GSE1: variants seen among roughly 807,000 people sequenced by gnomAD.
GSE1 encodes the protein Gse1 coiled-coil protein, also known as genetic suppressor element 1.
In GSE1, 32 loss-of-function variants were observed where a neutral mutation model predicts 112.6. That is an observed-to-expected ratio of 0.28 (90% confidence interval 0.21 to 0.38). The LOEUF is 0.38. GSE1 is among the 10% of genes least tolerant of loss of function. The probability of loss-of-function intolerance (pLI) is 1.00; values close to 1 mark genes in which losing one functional copy is unlikely to be tolerated. For missense variants in GSE1, 2,348 were observed against 1,699.2 expected (o/e 1.38, Z -6.71); for synonymous variants, 1,115 against 735.6 (o/e 1.52, Z -8.35).
intron 1 of GSE1, among the ~76,000 whole-genome samples, chr16:85,181,616 T>C (rs1188278342): frequency 1.3e-5 from 2 of 152,228 alleles, no homozygotes; most frequent in Non-Finnish European, 2.9e-5. Context: ...TATTCACCTT[T>C]CCAGACCCAT....
rs1255133258 is a variant in GSE1 at position 85,673,575 on chromosome 16, G to GT, written c.*1037dup. 6.6e-6 allele frequency: 1 copy of GT among 152,020 alleles called. No individual in the cohort carries two copies. Among genetic ancestry groups the GT allele is most frequent in the Non-Finnish European group, 1.5e-5 (1 of 67,932 alleles). 9.4% of individuals were successfully genotyped at this position (152,020 alleles called of 1,614,324 possible). A position where few individuals can be genotyped will look rare whatever the true frequency, so the allele number is the denominator to read the frequency against. On this transcript the variant is annotated 3_prime_UTR_variant, in exon 16 of 16. Coordinates refer to ENST00000253458, the MANE Select transcript of GSE1 (RefSeq NM_014615.5). ...TTTTAAAAATTAAAGAAGAAGAAAAGTAAAAGAGCTTACCACTGGCGCCTA... is the reference window on the plus strand; with the variant it reads ...TTTTAAAAATTAAAGAAGAAGAAAAGTTAAAAGAGCTTACCACTGGCGCCTA...
chr16:85,661,398 G>A lies in GSE1; in HGVS notation c.1893G>A (p.Pro631=), dbSNP rs749582466. Residue 631 remains proline (P), a synonymous_variant, in exon 9 of 16, where the codon CCG becomes CCA. Transcript: ENST00000253458. ...TGAAGGTGGAGCGGGTCTTCTGCCC[G>A]GAGAAAGCAGAGGAGGGGCCACGGA... ...PLVKVERVFC[P]EKAEEGPRKR... The A allele has an allele frequency of 1.5e-5, 24 of 1,612,280 alleles. No individual in the cohort carries two copies. Among genetic ancestry groups the A allele is most frequent in the Middle Eastern group, 1.7e-4 (1 of 6,056 alleles).
intron 2 of GSE1, among the ~76,000 whole-genome samples, chr16:85,456,105 G>A (rs2049819042): frequency 6.6e-6 from 1 of 152,208 alleles, no homozygotes; most frequent in Admixed American, 6.5e-5. Context: ...TGTGTCCAGA[G>A]GAAGCTGTGC....
chr16:85,444,942 C>G (rs1297577221), intron 2 of GSE1, among the ~76,000 whole-genome samples: 1 of 152,244 alleles, frequency 6.6e-6, no homozygotes, highest in Non-Finnish European at 1.5e-5. Context: ...TCCCCACTGC[C>G]CACGTTGTCA....
chr16:85,190,202 T>C (rs911299606), intron 1 of GSE1, among the ~76,000 whole-genome samples: 1 of 152,236 alleles, frequency 6.6e-6, no homozygotes, highest in Non-Finnish European at 1.5e-5. Flanking sequence ...ATTGGTGAAG[T>C]CCAGATGGTG....
chr16:85,544,646 T>G (rs1281543865), intron 2 of GSE1, among the ~76,000 whole-genome samples: 2 of 152,208 alleles, frequency 1.3e-5, no homozygotes, highest in Admixed American at 1.3e-4. Context: ...GCCAGAGGGC[T>G]ACATGGACCT....
Position 85,672,829 on chromosome 16 carries a change from A to G in GSE1, c.*290A>G, listed in dbSNP as rs892082534. 4.4e-6 allele frequency: 1 copy of G among 227,452 alleles called. No homozygotes were observed. The highest frequency in any genetic ancestry group is 5.1e-5 in the Admixed American group (1 of 19,658). 14.1% of individuals were successfully genotyped at this position (227,452 alleles called of 1,614,324 possible). On this transcript the variant is annotated 3_prime_UTR_variant, in exon 16 of 16. Transcript: ENST00000253458. ...TCCCACATTATTTCTTAATCTGAACATGAAGGCTCCATTAGCAACACTAAA... is the reference window on the plus strand; with the variant it reads ...TCCCACATTATTTCTTAATCTGAACGTGAAGGCTCCATTAGCAACACTAAA...
At position 85,672,734 on chromosome 16, in the gene GSE1, T is replaced by A; in HGVS notation, c.*195T>A. ...CGTCAATGCAATTGAATCACCGTTG[T>A]CATTCAGCGAGCAACCAATGTAGGA... is the stretch of plus-strand genomic sequence containing the variant. On this transcript the variant is annotated 3_prime_UTR_variant, in exon 16 of 16. Coordinates refer to ENST00000253458, the MANE Select transcript of GSE1 (RefSeq NM_014615.5). 2.4e-6 allele frequency: 1 copy of A among 417,336 alleles called. No individual in the cohort carries two copies. Among genetic ancestry groups the A allele is most frequent in the Non-Finnish European group, 4.2e-6 (1 of 236,442 alleles). 25.9% of individuals were successfully genotyped at this position (417,336 alleles called of 1,614,324 possible).
intron 2 of GSE1, among the ~76,000 whole-genome samples, chr16:85,422,763 A>G (rs9932638): frequency 0.02 from 3,061 of 151,440 alleles, 96 homozygotes; most frequent in African/African-American, 0.071. Context: ...GTGAGGAGAG[A>G]GGGGTTTGGG....
chr16:85,573,110 C>T (rs954672299), intron 1 of GSE1, among the ~76,000 whole-genome samples: 11 of 152,258 alleles, frequency 7.2e-5, no homozygotes, highest in East Asian at 1.9e-4. Context: ...GTGATCCGCC[C>T]GCCTCGGCCT....
intron 2 of GSE1, among the ~76,000 whole-genome samples, chr16:85,499,446 G>A (rs2051291675): frequency 6.6e-6 from 1 of 151,854 alleles, no homozygotes; most frequent in Non-Finnish European, 1.5e-5. Flanking sequence ...AAGTAGCTGT[G>A]ACTACAGGCA....
At chr16:85,609,322 C>T (rs767244492), upstream of GSE1, among the ~76,000 whole-genome samples, 101 of 152,270 alleles carry the variant, frequency 6.6e-4, no homozygotes, top group Admixed American at 3.3e-3. Context: ...CAGCCTCAGA[C>T]TCCTGGGCCC....
chr16:85,627,044 C>CTTTTTTTTTTTTTTTTTTTT lies in GSE1; in HGVS notation c.8-6857_8-6838dup, dbSNP rs564272210. Among the ~76,000 whole-genome samples the CTTTTTTTTTTTTTTTTTTTT allele has an allele frequency of 2.7e-3, 67 of 25,064 alleles. 12 individuals are homozygous for CTTTTTTTTTTTTTTTTTTTT. The highest frequency in any genetic ancestry group is 0.056 in the Middle Eastern group (1 of 18). The allele number at this position is 25,064 out of a possible 152,430, so 16.4% of individuals were successfully genotyped here. On this transcript the variant is annotated intron_variant, in intron 1 of 15. Coordinates refer to ENST00000253458, the MANE Select transcript of GSE1 (RefSeq NM_014615.5). ...GGACTTTGCTTCCTTTTCTTCTTGC[C>CTTTTTTTTTTTTTTTTTTTT]TTTTTTTTTTTTTTTTTTTTTTTTT...
intron 2 of GSE1, among the ~76,000 whole-genome samples, chr16:85,544,780 C>G (rs1035683907): frequency 6.6e-6 from 1 of 152,228 alleles, no homozygotes; most frequent in African/African-American, 2.4e-5. Flanking sequence ...AAGGGCTGTT[C>G]GCAATGCCTG....
At chr16:85,640,129 C>T (rs1016820106) in intron 2 of GSE1, among the ~76,000 whole-genome samples, 3 of 152,198 alleles carry the variant, frequency 2.0e-5, no homozygotes, top group Non-Finnish European at 4.4e-5. Flanking sequence ...CACCTCACCC[C>T]AGCACCACCC....
At chr16:85,621,371 C>G (rs1337876444) in intron 1 of GSE1, among the ~76,000 whole-genome samples, 1 of 152,234 alleles carries the variant, frequency 6.6e-6, no homozygotes, top group Non-Finnish European at 1.5e-5. Flanking sequence ...CACCGCCCCC[C>G]GTGCTGGGGT....
chr16:85,233,678 C>T (rs995393623), intron 1 of GSE1, among the ~76,000 whole-genome samples: 2 of 152,012 alleles, frequency 1.3e-5, no homozygotes, highest in African/African-American at 4.8e-5. Context: ...GTGGTGGAGG[C>T]AGTGGGAACA....
chr16:85,486,484 G>A (rs1047008137), intron 2 of GSE1, among the ~76,000 whole-genome samples: 2 of 152,250 alleles, frequency 1.3e-5, no homozygotes, highest in Non-Finnish European at 2.9e-5. Flanking sequence ...CAGCCGCTAA[G>A]TGGCACTAGG....
chr16:85,461,838 C>G (rs1043790799), intron 2 of GSE1, among the ~76,000 whole-genome samples: 55 of 152,200 alleles, frequency 3.6e-4, no homozygotes, highest in Admixed American at 1.0e-3. Flanking sequence ...ACCTCCCCTC[C>G]TCCCGGACCT....
Sources: allele counts gnomAD v4.1 joint callset (sites outside exome capture counted in the v4.1 genomes callset), GRCh38; gene constraint gnomAD v4.1.1; transcripts MANE v1.5; gene names NCBI Gene and HGNC (gene_info 2026-07-23, HGNC 2026-07-21).